Variants in C6orf62 observed in about 807,000 individuals in gnomAD.
C6orf62 encodes uncharacterized protein C6orf62.
Under a neutral mutation model 26.8 loss-of-function variants are expected in C6orf62, and 16 were observed. The observed-to-expected ratio is 0.60, with a 90% CI of 0.40 to 0.91. The LOEUF (loss-of-function observed/expected upper bound fraction) is 0.91. C6orf62 is among the 40% of genes least tolerant of loss of function. The pLI is 0.00. For synonymous variants in C6orf62, 112 were observed against 91.5 expected (o/e 1.22, Z -1.28); for missense variants, 192 against 271.4 (o/e 0.71, Z 2.06).
chr6:24,706,730 G>A (rs989484146), intron 4 of C6orf62: 9 of 155,722 alleles, frequency 5.8e-5, no homozygotes, highest in Non-Finnish European at 9.9e-5. Context: ...TGGGCAACAT[G>A]ACGAAAACCC....
chr6:24,720,013 G>GGGGGCCCCCCCC, upstream of C6orf62: 1 of 1,479,410 alleles, frequency 6.8e-7, no homozygotes, highest in Non-Finnish European at 9.0e-7. Flanking sequence ...TCTAAAGTAA[G>GGGGGCCCCCCCC]CCCACCCACC....
At chr6:24,719,401 G>C (rs1233320253), upstream of C6orf62, 2 of 1,027,372 alleles carry the variant, frequency 1.9e-6, no homozygotes, top group Non-Finnish European at 2.3e-6. Context: ...GAGAGGTACA[G>C]GGTTTCCCTG....
At chr6:24,718,463 A>G in intron 1 of C6orf62, 77 bp downstream of exon 1, 1 of 1,371,994 alleles carries the variant, frequency 7.3e-7, no homozygotes, top group Non-Finnish European at 1.0e-6. Flanking sequence ...TAATATTCAT[A>G]ATAATTTAAG....
At chr6:24,710,846 A>G (rs907675043) in intron 3 of C6orf62, among the ~76,000 whole-genome samples, 4 of 151,940 alleles carry the variant, frequency 2.6e-5, no homozygotes, top group Admixed American at 1.3e-4. Context: ...AAAAATAATT[A>G]GTTGGGCATG....
upstream of C6orf62, chr6:24,719,981 A>T: frequency 4.5e-6 from 7 of 1,545,192 alleles, no homozygotes; most frequent in Non-Finnish European, 6.1e-6. Flanking sequence ...GAAAAAAAGA[A>T]AATAATTGTG....
At chr6:24,716,698 T>C (rs1436616457) in intron 1 of C6orf62, among the ~76,000 whole-genome samples, 11 of 152,166 alleles carry the variant, frequency 7.2e-5, no homozygotes. Context: ...CAATATTACA[T>C]TATCAAAACC....
At chr6:24,715,199 G>A (rs879856719) in intron 2 of C6orf62, among the ~76,000 whole-genome samples, 1 of 151,962 alleles carries the variant, frequency 6.6e-6, no homozygotes, top group Non-Finnish European at 1.5e-5. Context: ...CTTCATTATT[G>A]TAGCCAGCAT....
In C6orf62 at chr6:24,718,711, A is replaced by G. The variant is rs764877063; in HGVS notation, c.-43T>C. 15 of 1,605,424 alleles carry G rather than the reference A, an allele frequency of 9.3e-6. No homozygotes were observed. The highest frequency in any genetic ancestry group is 1.7e-5 in the Admixed American group (1 of 57,392). On this transcript the variant is annotated 5_prime_UTR_variant, in exon 1 of 5. Transcript: ENST00000378119. ...ACTAAAGCCTTTGGAAATTGTCACT[A>G]AACTATGGGCACTTTTTCTTAAGAC...
Position 24,714,375 on chromosome 6 carries a change from G to T in C6orf62, c.372C>A (p.Ile124=). 6.2e-7 allele frequency: 1 copy of T among 1,610,696 alleles called. No individual in the cohort carries two copies. Among genetic ancestry groups the T allele is most frequent in the Non-Finnish European group, 8.5e-7 (1 of 1,178,096 alleles). ...ILWPRNDIEK[I]VCLLFSRWKE... is the part of the protein sequence containing the mutation. ...TCCACCTAGAAAACAGGAGACAGACGATTTTTTCAATATCATTCCGAGGCC... is the reference window on the plus strand; with the variant it reads ...TCCACCTAGAAAACAGGAGACAGACTATTTTTTCAATATCATTCCGAGGCC... The change falls in exon 3 of 5, where the codon ATC becomes ATA. Residue 124 remains isoleucine (I), a synonymous_variant. Transcript: ENST00000378119.
chr6:24,706,016 T>C lies in C6orf62; in HGVS notation c.*121A>G. ...AATCCAGGATGAACAAGTTTCAAAATGCATAGTGTTCTGTGCATGAGTCCA... is the reference window on the plus strand; with the variant it reads ...AATCCAGGATGAACAAGTTTCAAAACGCATAGTGTTCTGTGCATGAGTCCA... On this transcript the variant is annotated 3_prime_UTR_variant, in exon 5 of 5. Coordinates refer to ENST00000378119, the MANE Select transcript of C6orf62 (RefSeq NM_030939.5). 7.4e-7 allele frequency: 1 copy of C among 1,346,170 alleles called. No homozygotes were observed. Among genetic ancestry groups the C allele is most frequent in the Admixed American group, 3.1e-5 (1 of 32,654 alleles). 83.4% of individuals were successfully genotyped at this position (1,346,170 alleles called of 1,614,324 possible).
intron 3 of C6orf62, chr6:24,710,532 G>C: frequency 1.1e-6 from 1 of 935,104 alleles, no homozygotes; most frequent in South Asian, 4.9e-5. Context: ...CCAAAGTGTT[G>C]GGATTACAGG....
At chr6:24,714,005 G>C (rs935482303) in intron 3 of C6orf62, among the ~76,000 whole-genome samples, 1 of 152,164 alleles carries the variant, frequency 6.6e-6, no homozygotes, top group Non-Finnish European at 1.5e-5. Context: ...AGGATGTGTG[G>C]TGAAGGCTTC....
upstream of C6orf62, chr6:24,720,501 G>C (rs368469226): frequency 9.8e-5 from 55 of 563,392 alleles, no homozygotes; most frequent in South Asian, 3.9e-3. Flanking sequence ...CGGCAACAGG[G>C]AGAGAAAAAG....
In C6orf62 at chr6:24,718,529, C is replaced by A. The variant is rs1779285070; in HGVS notation, c.129+11G>T. On this transcript the variant is annotated intron_variant, in intron 1 of 4. Transcript: ENST00000378119. Reference sequence around the variant, plus strand: ...ACTTGTGCTAATTCACCATTAAGAACTTTAAATTACCTTCTCCTTGAATAC... The same window carrying A: ...ACTTGTGCTAATTCACCATTAAGAAATTTAAATTACCTTCTCCTTGAATAC... The A allele has an allele frequency of 1.9e-6, 3 of 1,593,946 alleles. No homozygotes were observed. Among genetic ancestry groups the A allele is most frequent in the Non-Finnish European group, 2.6e-6 (3 of 1,167,466 alleles).
At chr6:24,707,663 T>G (rs566249659) in intron 4 of C6orf62, among the ~76,000 whole-genome samples, 4 of 152,020 alleles carry the variant, frequency 2.6e-5, no homozygotes, top group Non-Finnish European at 2.9e-5. Flanking sequence ...AAGTGCTTAT[T>G]TGAAATAAAT....
intron 4 of C6orf62, chr6:24,707,196 A>C (rs1336782402): frequency 6.6e-6 from 1 of 152,194 alleles, no homozygotes; most frequent in Non-Finnish European, 1.5e-5. Flanking sequence ...CCTTACGTTA[A>C]ATTTAACAAC....
rs894051858 is a variant in C6orf62, at chr6:24,714,053, T to G, written c.429+265A>C. Among the ~76,000 whole-genome samples, 3 of 152,306 alleles carry G rather than the reference T, an allele frequency of 2.0e-5. No homozygotes were observed. In the South Asian group the frequency reaches 6.2e-4, roughly 32 times the overall value. On this transcript the variant is annotated intron_variant, in intron 3 of 4. Coordinates refer to ENST00000378119, the MANE Select transcript of C6orf62 (RefSeq NM_030939.5). ...TCTCAGAAGCTCATCTGTGGGCCCC[T>G]CTATAAATCAGTAAATGTCCACTTT...
rs1173345239 is a variant in C6orf62, at chr6:24,714,525, A to G, written c.307-85T>C. On this transcript the variant is annotated intron_variant, in intron 2 of 4. Transcript: ENST00000378119. ...GTCACAAATTATAGGGTTCCCCTAT[A>G]AAAACATTTTATAAGTACAAAAGAT... is the stretch of plus-strand genomic sequence containing the variant. 7.0e-6 allele frequency: 7 copies of G among 995,362 alleles called. No individual in the cohort carries two copies. The African/African-American group carries it at 9.9e-5, about 14-fold the overall frequency. 61.7% of individuals were successfully genotyped at this position (995,362 alleles called of 1,614,324 possible).
At chr6:24,712,477 C>T (rs1042578010) in intron 3 of C6orf62, among the ~76,000 whole-genome samples, 7 of 151,930 alleles carry the variant, frequency 4.6e-5, no homozygotes, top group East Asian at 3.9e-4. Flanking sequence ...GAGACCATCC[C>T]GGCCAACATG....
Sources: allele counts gnomAD v4.1 joint callset (sites outside exome capture counted in the v4.1 genomes callset), GRCh38; gene constraint gnomAD v4.1.1; transcripts MANE v1.5; gene names NCBI Gene and HGNC (gene_info 2026-07-23, HGNC 2026-07-21).